Variants in BROX observed in about 807,000 individuals in gnomAD.
The protein encoded by BROX is BRO1 domain-containing protein BROX.
BROX carries 53 observed loss-of-function variants against 61.0 expected under a neutral mutation model. The ratio of observed to expected loss-of-function variants is 0.87; its 90% CI spans 0.70 to 1.09. BROX has a LOEUF of 1.09. BROX is among the 50% of genes least tolerant of loss of function. BROX has a pLI of 0.00. For synonymous variants in BROX, 152 were observed against 160.2 expected, an observed-to-expected ratio of 0.95 and a Z score of 0.38; for missense variants, 489 against 472.0, an observed-to-expected ratio of 1.04 and a Z score of -0.33.
chr1:222,729,764 G>C, intron 10 of BROX, 63 bp downstream of exon 10: 2 of 1,469,326 alleles, frequency 1.4e-6, no homozygotes, highest in Non-Finnish European at 1.9e-6. Context: ...TCATAAAAGG[G>C]AATATATGCT....
intron 2 of BROX, among the ~76,000 whole-genome samples, chr1:222,716,915 T>C (rs1202542463): frequency 6.6e-6 from 1 of 152,206 alleles, no homozygotes; most frequent in Non-Finnish European, 1.5e-5. Flanking sequence ...ATGGACCTGA[T>C]TGACTAATTT....
At chr1:222,726,766 T>G (rs2125030475) in intron 7 of BROX, among the ~76,000 whole-genome samples, 1 of 150,564 alleles carries the variant, frequency 6.6e-6, no homozygotes, top group Admixed American at 6.6e-5. Context: ...GCATGTGTAG[T>G]CTCAGCCACT....
rs1658138501 is a variant in BROX, at chr1:222,734,107, G to C, written c.*1393G>C. The C allele has an allele frequency of 1.3e-5, 2 of 152,194 alleles. No homozygotes were observed. The highest frequency in any genetic ancestry group is 4.1e-4 in the South Asian group (2 of 4,826). The allele number at this position is 152,194 out of a possible 1,614,324, so 9.4% of individuals were successfully genotyped here. ...TTTTAAACAATTAGTTTAGTAATTT[G>C]GGAAATAGTGGATGCATAATACTTT... is the stretch of plus-strand genomic sequence containing the variant. On this transcript the variant is annotated 3_prime_UTR_variant, in exon 13 of 13. Transcript: ENST00000340934.
intron 1 of BROX, among the ~76,000 whole-genome samples, chr1:222,715,480 G>A (rs1005516822): frequency 1.1e-4 from 17 of 152,042 alleles, no homozygotes; most frequent in African/African-American, 3.1e-4. Flanking sequence ...GGCCAAGGCG[G>A]GTGGATCACT....
intron 4 of BROX, among the ~76,000 whole-genome samples, chr1:222,720,490 C>T (rs545732975): frequency 6.6e-5 from 10 of 151,928 alleles, no homozygotes; most frequent in African/African-American, 2.4e-4. Context: ...GGCATTTTTC[C>T]GACCATGCAA....
intron 7 of BROX, among the ~76,000 whole-genome samples, chr1:222,725,821 G>A (rs1443474857): frequency 1.3e-5 from 2 of 152,144 alleles, no homozygotes; most frequent in African/African-American, 4.8e-5. Context: ...GAGATGGGAA[G>A]GATCGCTGGA....
In BROX at chr1:222,715,366, C is replaced by CT. The variant is rs940144788; in HGVS notation, c.-16-310dup. 1.1e-4 allele frequency: 17 copies of CT among 154,526 alleles called. 1 individual carries two copies. The East Asian group carries it at 1.5e-3, about 14-fold the overall frequency. The allele number at this position is 154,526 out of a possible 1,614,324, so 9.6% of individuals were successfully genotyped here. On this transcript the variant is annotated intron_variant, in intron 1 of 12. Coordinates refer to ENST00000340934, the MANE Select transcript of BROX (RefSeq NM_144695.4). ...GGGCAGATTTTCAAATGCTCTTCTGCTTTTTTTTATAGGCCTGATCTGAAC... is the reference window on the plus strand; with the variant it reads ...GGGCAGATTTTCAAATGCTCTTCTGCTTTTTTTTTATAGGCCTGATCTGAAC...
chr1:222,720,120 TC>T (rs1656958325), intron 4 of BROX, among the ~76,000 whole-genome samples: 1 of 152,210 alleles, frequency 6.6e-6, no homozygotes, highest in Admixed American at 6.5e-5. Flanking sequence ...TAGATGCAAG[TC>T]CAGGTTTTCT....
chr1:222,722,315 G>A, intron 4 of BROX, 104 bp from the exon 5 acceptor site: 1 of 891,296 alleles, frequency 1.1e-6, no homozygotes, highest in South Asian at 1.4e-5. Flanking sequence ...ATACATACCA[G>A]TTAGCATATA....
chr1:222,729,222 C>CTGTT (rs1489323154), intron 9 of BROX, among the ~76,000 whole-genome samples: 1 of 152,160 alleles, frequency 6.6e-6, no homozygotes, highest in Non-Finnish European at 1.5e-5. Context: ...ACGTATCAGT[C>CTGTT]TGTTATACCC....
At chr1:222,729,731 C>T (rs1657796762) in intron 10 of BROX, 30 bp downstream of exon 10, 1 of 1,575,968 alleles carries the variant, frequency 6.3e-7, no homozygotes, top group Non-Finnish European at 8.7e-7. Flanking sequence ...TATTAACTCC[C>T]CTTTAAAAAA....
chr1:222,712,943 G>C lies in BROX; in HGVS notation c.-17+1G>C, dbSNP rs867343912. The C allele has an allele frequency of 8.4e-7, 1 of 1,188,594 alleles. No individual in the cohort carries two copies. The highest frequency in any genetic ancestry group is 1.6e-5 in the African/African-American group (1 of 62,554). The allele number at this position is 1,188,594 out of a possible 1,614,324, so 73.6% of individuals were successfully genotyped here. ...TGCTGAACCGACTCTGAGAAATTTG[G>C]TAAGTATGTCAGAGGATGGGTGTTT... On this transcript the variant is annotated splice_donor_variant, in intron 1 of 12. Transcript: ENST00000340934. LOFTEE classifies it low-confidence loss of function (5UTR_SPLICE).
chr1:222,734,369 T>G lies in BROX; in HGVS notation c.*1655T>G, dbSNP rs796237782. Reference sequence around the variant, plus strand: ...TAAAGTGTTGAAATAGGAATATACATTTCATTATGAAAAATGAATAGATTA... The same window carrying G: ...TAAAGTGTTGAAATAGGAATATACAGTTCATTATGAAAAATGAATAGATTA... On this transcript the variant is annotated 3_prime_UTR_variant, in exon 13 of 13. Coordinates refer to ENST00000340934, the MANE Select transcript of BROX (RefSeq NM_144695.4). 1 of 152,308 alleles carries G rather than the reference T, an allele frequency of 6.6e-6. No individual in the cohort carries two copies. The highest frequency in any genetic ancestry group is 2.4e-5 in the African/African-American group (1 of 41,560). 9.4% of individuals were successfully genotyped at this position (152,308 alleles called of 1,614,324 possible). A position where few individuals can be genotyped will look rare whatever the true frequency, so the allele number is the denominator to read the frequency against.
At chr1:222,719,200 A>C (rs974566953) in intron 3 of BROX, 63 bp from the exon 4 acceptor site, 6 of 1,378,496 alleles carry the variant, frequency 4.4e-6, no homozygotes, top group Non-Finnish European at 6.1e-6. Flanking sequence ...AATTTTTCCA[A>C]ACAGAACACT....
intron 1 of BROX, among the ~76,000 whole-genome samples, chr1:222,715,458 A>G (rs1656527851): frequency 6.6e-6 from 1 of 152,176 alleles, no homozygotes; most frequent in African/African-American, 2.4e-5. Context: ...CTGTAATCCC[A>G]ACACTTTGGG....
chr1:222,720,322 A>G (rs1656977475), intron 4 of BROX, among the ~76,000 whole-genome samples: 1 of 152,124 alleles, frequency 6.6e-6, no homozygotes, highest in Admixed American at 6.5e-5. Flanking sequence ...ATTCTGGGAT[A>G]CTCAGATTTT....
At chr1:222,721,373 C>CTT (rs199661132) in intron 4 of BROX, among the ~76,000 whole-genome samples, 27 of 131,558 alleles carry the variant, frequency 2.1e-4, no homozygotes, top group East Asian at 1.7e-3. Flanking sequence ...TTTTATAACA[C>CTT]TTTTTTTTTT....
intron 7 of BROX, 129 bp downstream of exon 7, chr1:222,725,684 C>G: frequency 1.6e-6 from 1 of 606,744 alleles, no homozygotes; most frequent in Non-Finnish European, 2.6e-6. Context: ...TCTAGGTGGG[C>G]AGCTCACTTG....
At position 222,731,527 on chromosome 1, in the gene BROX, G is replaced by GTTT. The variant is rs200721598; in HGVS notation, c.1149+20_1149+22dup. 2.4e-6 allele frequency: 3 copies of GTTT among 1,232,868 alleles called. No individual in the cohort carries two copies. The highest frequency in any genetic ancestry group is 1.5e-5 in the South Asian group (1 of 64,534). 76.4% of individuals were successfully genotyped at this position (1,232,868 alleles called of 1,614,324 possible). A position where few individuals can be genotyped will look rare whatever the true frequency, so the allele number is the denominator to read the frequency against. ...CCCAAGGATGACAGTGTATGAGATT[G>GTTT]TTTTTTTTTTTCCCTCTCATTCACA... On this transcript the variant is annotated intron_variant, in intron 12 of 12. Transcript: ENST00000340934.
Sources: allele counts gnomAD v4.1 joint callset (sites outside exome capture counted in the v4.1 genomes callset), GRCh38; gene constraint gnomAD v4.1.1; transcripts MANE v1.5; gene names NCBI Gene and HGNC (gene_info 2026-07-23, HGNC 2026-07-21).